The following HPS5 variants were observed in gnomAD, a reference collection of about 807,000 sequenced individuals.
HPS5 encodes HPS5 biogenesis of lysosomal organelles complex 2 subunit 2.
In HPS5, 83 loss-of-function variants were observed where a neutral mutation model predicts 128.0. The ratio of observed to expected loss-of-function variants is 0.65; its 90% confidence interval spans 0.54 to 0.78. The LOEUF (loss-of-function observed/expected upper bound fraction) is 0.78. Among genes scored for constraint, HPS5 ranks in the 30% least tolerant of loss-of-function variants. The probability of loss-of-function intolerance (pLI) is 0.00; values close to 1 mark genes in which losing one functional copy is unlikely to be tolerated. For missense variants in HPS5, 1,281 were observed against 1,326.2 expected (o/e 0.97, Z 0.53); for synonymous variants, 475 against 470.2 (o/e 1.01, Z -0.13).
In HPS5 at chr11:18,322,113, C is replaced by G. The variant is rs761585857; in HGVS notation, c.-217G>C. The stretch of plus-strand genomic sequence containing the variant: ...CAGTAGATCGGATCTTGTCTCCCGG[C>G]TTAGCGCCGGGGAACTCACCGCGCA... On this transcript the variant is annotated 5_prime_UTR_variant, in exon 1 of 23. Coordinates refer to ENST00000349215, the MANE Select transcript of HPS5 (RefSeq NM_181507.2). 6.6e-5 allele frequency: 10 copies of G among 152,342 alleles called. No individual in the cohort carries two copies. Among genetic ancestry groups the G allele is most frequent in the Non-Finnish European group, 1.0e-4 (7 of 68,118 alleles). 9.4% of individuals were successfully genotyped at this position (152,342 alleles called of 1,614,324 possible). A position where few individuals can be genotyped will look rare whatever the true frequency, so the allele number is the denominator to read the frequency against.
chr11:18,297,962 C>T (rs1861272986), intron 10 of HPS5, among the ~76,000 whole-genome samples: 1 of 151,216 alleles, frequency 6.6e-6, no homozygotes, highest in Admixed American at 6.6e-5. Flanking sequence ...CATCTGTAAT[C>T]CCAGCTACTC....
chr11:18,311,755 T>C (rs1240288655), intron 3 of HPS5, 159 bp downstream of exon 3: 14 of 694,150 alleles, frequency 2.0e-5, no homozygotes, highest in Non-Finnish European at 3.7e-5. Flanking sequence ...AGGTAATCCA[T>C]CCGCCTTGGC....
rs111955187 is a variant in HPS5 at position 18,288,105 on chromosome 11, G to A, written c.2441-92C>T. 160 of 1,383,808 alleles carry A rather than the reference G, an allele frequency of 1.2e-4. No individual in the cohort carries two copies. The African/African-American group carries it at 1.5e-3, about 13-fold the overall frequency. 85.7% of individuals were successfully genotyped at this position (1,383,808 alleles called of 1,614,324 possible). On this transcript the variant is annotated intron_variant, in intron 16 of 22. Coordinates refer to ENST00000349215, the MANE Select transcript of HPS5 (RefSeq NM_181507.2). ...TGTTCATTCAGCAATCATTAGTCACGTACCTACTGTGTGGACCTATTATGT... is the reference window on the plus strand; with the variant it reads ...TGTTCATTCAGCAATCATTAGTCACATACCTACTGTGTGGACCTATTATGT...
In HPS5 at chr11:18,281,932, A is replaced by T; in HGVS notation, c.3329+18T>A. 1.9e-6 allele frequency: 3 copies of T among 1,614,146 alleles called. No individual in the cohort carries two copies. The highest frequency in any genetic ancestry group is 2.5e-6 in the Non-Finnish European group (3 of 1,180,000). ...CTTCTCCAAGCACTATGCAGAGGGTAGGACAAACTGATATTACCTCTGCCT... is the reference window on the plus strand; with the variant it reads ...CTTCTCCAAGCACTATGCAGAGGGTTGGACAAACTGATATTACCTCTGCCT... On this transcript the variant is annotated intron_variant, in intron 22 of 22. Coordinates refer to ENST00000349215, the MANE Select transcript of HPS5 (RefSeq NM_181507.2).
intron 19 of HPS5, 29 bp from the exon 20 acceptor site, chr11:18,285,488 A>G: frequency 7.0e-7 from 1 of 1,429,726 alleles, no homozygotes. Flanking sequence ...TCAGTAAATT[A>G]GATAGGAAAT....
intron 1 of HPS5, 83 bp from the exon 2 acceptor site, chr11:18,317,990 G>C: frequency 9.8e-7 from 1 of 1,019,064 alleles, no homozygotes; most frequent in Non-Finnish European, 1.5e-6. Flanking sequence ...GGAACATAGA[G>C]AAACATGAGA....
intron 2 of HPS5, among the ~76,000 whole-genome samples, chr11:18,316,864 A>G (rs1863680412): frequency 6.6e-6 from 1 of 152,210 alleles, no homozygotes; most frequent in Non-Finnish European, 1.5e-5. Context: ...ACTTGGTGTC[A>G]GTTAGTCTAG....
At chr11:18,292,775 T>C in intron 15 of HPS5, 124 bp downstream of exon 15, 1 of 791,860 alleles carries the variant, frequency 1.3e-6, no homozygotes, top group Non-Finnish European at 2.2e-6. Flanking sequence ...AGACCATTTA[T>C]AGCAACTTCT....
intron 2 of HPS5, among the ~76,000 whole-genome samples, chr11:18,317,274 T>G (rs1333141908): frequency 1.3e-5 from 2 of 151,546 alleles, no homozygotes; most frequent in South Asian, 2.1e-4. Context: ...TTTTTTTTTT[T>G]TGAGAGAGTC....
At chr11:18,305,310 A>G (rs141123481) in intron 8 of HPS5, 112 bp downstream of exon 8, 229 of 709,868 alleles carry the variant, frequency 3.2e-4, no homozygotes, top group Non-Finnish European at 5.2e-4. Flanking sequence ...CTAACTTTCT[A>G]TAAGTAATTT....
Position 18,291,525 on chromosome 11 carries a change from T to C in HPS5, c.2357A>G (p.Asn786Ser). ...GATACTCTCCTTCGCTCTTTTCAAG[T>C]TCAGGAGAAAAAAGTACTTCTTCAG... Reference protein sequence around the residue: ...QFLKKYFFLLNLKRAKESIKL... With the variant: ...QFLKKYFFLLSLKRAKESIKL... Residue 786 changes from asparagine (N) to serine (S), a missense_variant, in exon 16 of 23, where the codon AAC becomes AGC. Physicochemically the swap from Asn to Ser is conservative, Grantham distance 46 (BLOSUM62 1). Transcript: ENST00000349215. The C allele has an allele frequency of 6.2e-7, 1 of 1,611,322 alleles. No individual in the cohort carries two copies. The highest frequency in any genetic ancestry group is 8.5e-7 in the Non-Finnish European group (1 of 1,178,518).
intron 6 of HPS5, among the ~76,000 whole-genome samples, chr11:18,307,481 T>C (rs1862502647): frequency 6.6e-6 from 1 of 152,218 alleles, no homozygotes; most frequent in East Asian, 1.9e-4. Context: ...TTTTATATTT[T>C]CTATGGTACC....
intron 8 of HPS5, among the ~76,000 whole-genome samples, chr11:18,303,929 TTAAG>T (rs2134408792): frequency 6.6e-6 from 1 of 150,962 alleles, no homozygotes; most frequent in African/African-American, 2.4e-5. Flanking sequence ...CAAATATTTA[TTAAG>T]TATCTATCAT....
chr11:18,280,065 C>G, intron 22 of HPS5, 123 bp from the exon 23 acceptor site: 3 of 925,448 alleles, frequency 3.2e-6, no homozygotes, highest in Non-Finnish European at 5.2e-6. Context: ...CATTAAAAGA[C>G]ACAATGCACA....
chr11:18,301,048 C>G (rs1861642882), intron 8 of HPS5, 132 bp from the exon 9 acceptor site: 1 of 687,336 alleles, frequency 1.5e-6, no homozygotes. Context: ...AGTGATCCAG[C>G]TAATCGAGTC....
intron 8 of HPS5, among the ~76,000 whole-genome samples, chr11:18,302,900 C>T (rs139220694): frequency 7.6e-4 from 104 of 136,824 alleles, no homozygotes; most frequent in African/African-American, 2.7e-3. Context: ...TGACATTCAG[C>T]TTGGAAAATT....
Position 18,309,034 on chromosome 11 carries a change from C to G in HPS5, c.523G>C (p.Val175Leu), listed in dbSNP as rs756925508. 1 of 1,613,888 alleles carries G rather than the reference C, an allele frequency of 6.2e-7. No individual in the cohort carries two copies. The highest frequency in any genetic ancestry group is 1.1e-5 in the South Asian group (1 of 91,078). The change falls in exon 6 of 23, where the codon GTT (valine) becomes CTT (leucine). Residue 175 changes from valine (V) to leucine (L), a missense_variant. Physicochemically the swap from Val to Leu is conservative, Grantham distance 32. Coordinates refer to ENST00000349215, the MANE Select transcript of HPS5 (RefSeq NM_181507.2). ...TCTAACTGTACAACACAGGAGTCAA[C>G]AGTTGTGATTGTCTGAACAGGAAAC... ...VMFPVQTITT[V>L]DSCVVQLDYL...
At chr11:18,285,540 T>C in intron 19 of HPS5, 81 bp from the exon 20 acceptor site, 1 of 979,220 alleles carries the variant, frequency 1.0e-6, no homozygotes, top group Non-Finnish European at 1.6e-6. Flanking sequence ...TAGGTAAGAA[T>C]AGAGTTTAAC....
intron 5 of HPS5, among the ~76,000 whole-genome samples, chr11:18,309,436 G>A (rs1399934865): frequency 1.3e-5 from 2 of 152,224 alleles, no homozygotes; most frequent in African/African-American, 4.8e-5. Context: ...CTTGAGCCTA[G>A]GAGCTTGAGG....
Sources: gnomAD v4.1 joint callset for allele counts (sites outside exome capture counted in the v4.1 genomes callset) on GRCh38, gnomAD v4.1.1 for gene constraint, MANE v1.5 for transcripts, NCBI Gene and HGNC (gene_info 2026-07-23, HGNC 2026-07-21) for gene names.